The following WDR37 variants were observed in gnomAD, a reference collection of about 807,000 sequenced individuals.
The protein encoded by WDR37 is WD repeat-containing protein 37.
Under a neutral mutation model 62.9 loss-of-function variants are expected in WDR37, and 19 were observed. The observed-to-expected ratio is 0.30, with a 90% CI of 0.21 to 0.44. WDR37 has a LOEUF of 0.44. WDR37 is among the 20% of genes least tolerant of loss of function. The probability of loss-of-function intolerance (pLI) is 1.00; values close to 1 mark genes in which losing one functional copy is unlikely to be tolerated. For synonymous variants in WDR37, 250 were observed against 260.9 expected (o/e 0.96, Z 0.40); for missense variants, 474 against 657.6 (o/e 0.72, Z 3.05).
rs183234109 is a variant in WDR37, at chr10:1,104,258, C to T, written c.961+422C>T. Among the ~76,000 whole-genome samples, 8 of 152,282 alleles carry T rather than the reference C, an allele frequency of 5.3e-5. No individual in the cohort carries two copies. In the East Asian group the frequency reaches 7.7e-4, roughly 15 times the overall value. ...CCTGGTCAGGACCTCCCCAAGGCTG[C>T]GGTCCTCTTCCAAGCCTGCTGGTCA... On this transcript the variant is annotated intron_variant, in intron 10 of 13. Transcript: ENST00000263150.
intron 2 of WDR37, among the ~76,000 whole-genome samples, chr10:1,073,373 C>T (rs970978455): frequency 6.6e-5 from 10 of 152,116 alleles, no homozygotes; most frequent in East Asian, 3.8e-4. Context: ...GCCAGGACTT[C>T]GAGGCCGGGA....
intron 11 of WDR37, among the ~76,000 whole-genome samples, chr10:1,114,934 A>AC (rs1394775349): frequency 6.6e-6 from 1 of 151,954 alleles, no homozygotes; most frequent in African/African-American, 2.4e-5. Flanking sequence ...TGCTGTCATG[A>AC]CATTTGCCTG....
chr10:1,115,141 C>T (rs1289103036), intron 11 of WDR37, among the ~76,000 whole-genome samples: 7 of 151,856 alleles, frequency 4.6e-5, no homozygotes, highest in African/African-American at 1.7e-4. Flanking sequence ...CTGCCTTGTG[C>T]CGGGCTGGCA....
rs199616454 is a variant in WDR37 at position 1,131,693 on chromosome 10, T to TGTGC, written c.*2352_*2353insCGTG. ...GACAAGATCGGGGATGGTGTGTGTG[T>TGTGC]GTGTGTGTGTGTGTGTGTGCACGTG... On this transcript the variant is annotated 3_prime_UTR_variant, in exon 14 of 14. Coordinates refer to ENST00000263150, the MANE Select transcript of WDR37 (RefSeq NM_014023.4). The TGTGC allele has an allele frequency of 6.6e-6, 1 of 150,614 alleles. No individual in the cohort carries two copies. Among genetic ancestry groups the TGTGC allele is most frequent in the Non-Finnish European group, 1.5e-5 (1 of 67,332 alleles). The allele number at this position is 150,614 out of a possible 1,614,324, so 9.3% of individuals were successfully genotyped here.
Position 1,126,742 on chromosome 10 carries a change from T to TG in WDR37, c.1353+1723dup, listed in dbSNP as rs577176465. Among the ~76,000 whole-genome samples the TG allele has an allele frequency of 3.9e-5, 6 of 152,220 alleles. No individual in the cohort carries two copies. In the East Asian group the frequency reaches 1.2e-3, roughly 29 times the overall value. ...GTGGTCAGGGAGGCACGTGCGAAAG[T>TG]GGGGGTTCTCTCAGCGCAGCAACAC... is the stretch of plus-strand genomic sequence containing the variant. On this transcript the variant is annotated intron_variant, in intron 13 of 13. Transcript: ENST00000263150.
chr10:1,069,389 A>ATATATATATTTTTTTTTTTTT, intron 1 of WDR37, among the ~76,000 whole-genome samples: 1 of 95,804 alleles, frequency 1.0e-5, no homozygotes, highest in African/African-American at 4.7e-5. Flanking sequence ...ATATATATAT[A>ATATATATATTTTTTTTTTTTT]TTTTTTTTTT....
At chr10:1,099,155 T>G (rs552116154) in intron 9 of WDR37, among the ~76,000 whole-genome samples, 1 of 152,260 alleles carries the variant, frequency 6.6e-6, no homozygotes, top group Non-Finnish European at 1.5e-5. Flanking sequence ...TGCCTTGTGC[T>G]CTCTGCAGTA....
intron 1 of WDR37, among the ~76,000 whole-genome samples, chr10:1,069,389 A>ATATATATATATATATATATTTT: frequency 1.0e-5 from 1 of 95,780 alleles, no homozygotes; most frequent in African/African-American, 4.7e-5. Context: ...ATATATATAT[A>ATATATATATATATATATATTTT]TTTTTTTTTT....
chr10:1,109,342 C>G (rs1406674993), intron 11 of WDR37, among the ~76,000 whole-genome samples: 1 of 152,214 alleles, frequency 6.6e-6, no homozygotes, highest in African/African-American at 2.4e-5. Context: ...GAGTTGATTG[C>G]AAGTGCATGT....
At position 1,056,666 on chromosome 10, in the gene WDR37, C is replaced by T. The variant is rs1833178233; in HGVS notation, c.-343C>T. 1 of 152,246 alleles carries T rather than the reference C, an allele frequency of 6.6e-6. No homozygotes were observed. Among genetic ancestry groups the T allele is most frequent in the South Asian group, 2.1e-4 (1 of 4,838 alleles). The allele number at this position is 152,246 out of a possible 1,614,324, so 9.4% of individuals were successfully genotyped here. On this transcript the variant is annotated 5_prime_UTR_variant, in exon 1 of 14. Transcript: ENST00000263150. Reference sequence around the variant, plus strand: ...TTGGCCCAGCAGCCGAAGGGGTCTTCAGCGCGCCCAGACCCCTCGGGGCTG... The same window carrying T: ...TTGGCCCAGCAGCCGAAGGGGTCTTTAGCGCGCCCAGACCCCTCGGGGCTG...
In WDR37 at chr10:1,080,007, C is replaced by T. The variant is rs776031611; in HGVS notation, c.236-4C>T. 8.1e-6 allele frequency: 13 copies of T among 1,613,298 alleles called. 1 individual carries two copies. In the South Asian group the frequency reaches 1.3e-4, roughly 16 times the overall value. ...TAGATTTTTGAAAACTTTTTTCTTC[C>T]CAGTACGTAGAGAAATCGACACTCT... is the stretch of plus-strand genomic sequence containing the variant. On this transcript the variant is annotated splice_polypyrimidine_tract_variant and splice_region_variant and intron_variant, in intron 3 of 13. Coordinates refer to ENST00000263150, the MANE Select transcript of WDR37 (RefSeq NM_014023.4).
chr10:1,083,647 C>G (rs1437233745), intron 5 of WDR37, among the ~76,000 whole-genome samples: 3 of 152,228 alleles, frequency 2.0e-5, no homozygotes, highest in East Asian at 1.9e-4. Context: ...CTTCCTCACT[C>G]ACTTCATATT....
chr10:1,066,876 G>A (rs753821582), intron 1 of WDR37, among the ~76,000 whole-genome samples: 3 of 152,186 alleles, frequency 2.0e-5, no homozygotes, highest in Admixed American at 6.5e-5. Context: ...CGTGGATGGC[G>A]GCAGGCAGAG....
At position 1,100,244 on chromosome 10, in the gene WDR37, G is replaced by A. The variant is rs548440595; in HGVS notation, c.727-3358G>A. Among the ~76,000 whole-genome samples the A allele has an allele frequency of 2.0e-5, 3 of 152,180 alleles. No individual in the cohort carries two copies. The East Asian group carries it at 5.8e-4, about 29-fold the overall frequency. ...CTGGTGTTGGGGGTTCTGAGTTAAA[G>A]ATGAACCTCTGTGATGTGCTGTGAC... On this transcript the variant is annotated intron_variant, in intron 9 of 13. Coordinates refer to ENST00000263150, the MANE Select transcript of WDR37 (RefSeq NM_014023.4).
chr10:1,123,256 G>A (rs867584587), intron 11 of WDR37, among the ~76,000 whole-genome samples: 15 of 152,202 alleles, frequency 9.9e-5, no homozygotes, highest in African/African-American at 3.6e-4. Flanking sequence ...GATAAAGATT[G>A]TGGTTAAATA....
chr10:1,121,291 GA>G lies in WDR37; in HGVS notation c.1104-2924del, dbSNP rs1016731540. Among the ~76,000 whole-genome samples the G allele has an allele frequency of 6.6e-6, 1 of 152,176 alleles. No homozygotes were observed. Among genetic ancestry groups the G allele is most frequent in the Non-Finnish European group, 1.5e-5 (1 of 68,034 alleles). On this transcript the variant is annotated intron_variant, in intron 11 of 13. Transcript: ENST00000263150. This position sits in a 1 kb window ranked among gnomAD's most constrained non-coding sequence, Gnocchi z 4.5. ...CTATTAATTTAGCAGAATGTTCACT[GA>G]AACTTAACTTGGCCAAACCTCCTGA...
At position 1,124,369 on chromosome 10, in the gene WDR37, G is replaced by C; in HGVS notation, c.1238+17G>C. 1.2e-6 allele frequency: 2 copies of C among 1,613,920 alleles called. No homozygotes were observed. The highest frequency in any genetic ancestry group is 1.7e-6 in the Non-Finnish European group (2 of 1,179,976). On this transcript the variant is annotated intron_variant, in intron 12 of 13. Coordinates refer to ENST00000263150, the MANE Select transcript of WDR37 (RefSeq NM_014023.4). ...CATTAACAGGTAAAGTCAAACTGTTGGTTAAGTAAGTGGCTTAGTTTGATG... is the reference window on the plus strand; with the variant it reads ...CATTAACAGGTAAAGTCAAACTGTTCGTTAAGTAAGTGGCTTAGTTTGATG...
At chr10:1,071,315 G>A (rs1436080272) in intron 1 of WDR37, among the ~76,000 whole-genome samples, 2 of 152,268 alleles carry the variant, frequency 1.3e-5, no homozygotes, top group East Asian at 1.9e-4. Flanking sequence ...GTGTTCATGG[G>A]AGGAGGGATC....
rs1226086456 is a variant in WDR37 at position 1,121,282 on chromosome 10, A to G, written c.1104-2936A>G. On this transcript the variant is annotated intron_variant, in intron 11 of 13. Coordinates refer to ENST00000263150, the MANE Select transcript of WDR37 (RefSeq NM_014023.4). The surrounding 1 kb of genome is among the most constrained non-coding windows in gnomAD (Gnocchi z 4.5). ...CCTTTTTTCCTATTAATTTAGCAGA[A>G]TGTTCACTGAAACTTAACTTGGCCA... 1.3e-5 allele frequency among the ~76,000 whole-genome samples: 2 copies of G among 152,138 alleles called. No homozygotes were observed. Among genetic ancestry groups the G allele is most frequent in the Non-Finnish European group, 2.9e-5 (2 of 68,028 alleles).
Sources: gnomAD v4.1 joint callset for allele counts (sites outside exome capture counted in the v4.1 genomes callset) on GRCh38, gnomAD v4.1.1 for gene constraint, Gnocchi (gnomAD v3.1) non-coding constraint, MANE v1.5 for transcripts, NCBI Gene and HGNC (gene_info 2026-07-23, HGNC 2026-07-21) for gene names.